Variants in DLG2 observed in about 807,000 individuals in gnomAD.
DLG2 encodes the protein disks large homolog 2.
In DLG2, 45 loss-of-function variants were observed where a neutral mutation model predicts 132.5. That is an observed-to-expected ratio of 0.34 (90% CI 0.27 to 0.44). DLG2 has a LOEUF of 0.44. Among genes scored for constraint, DLG2 ranks in the 20% least tolerant of loss-of-function variants. DLG2 has a pLI of 1.00. For missense variants in DLG2, 1,045 were observed against 1,196.9 expected, an observed-to-expected ratio of 0.87 and a Z score of 1.87; for synonymous variants, 424 against 419.6, an observed-to-expected ratio of 1.01 and a Z score of -0.13.
chr11:85,533,460 T>TAC (rs772246193), intron 3 of DLG2, among the ~76,000 whole-genome samples: 16 of 145,692 alleles, frequency 1.1e-4, no homozygotes, highest in African/African-American at 3.7e-4. Context: ...ATAAAATACA[T>TAC]ATATATATAT....
chr11:85,551,249 T>C (rs2076646476), intron 3 of DLG2, among the ~76,000 whole-genome samples: 1 of 152,162 alleles, frequency 6.6e-6, no homozygotes, highest in Non-Finnish European at 1.5e-5. Context: ...GGTGTAGAAA[T>C]ATGAGAAGCA....
At position 84,309,187 on chromosome 11, in the gene DLG2, C is replaced by T. The variant is rs80194062; in HGVS notation, c.520-57896G>A. ...GTAACAAACCTGCACATGCACCCCC[C>T]GAGCCTAAAATCAAAGTTGGAAGAA... On this transcript the variant is annotated intron_variant, in intron 7 of 27. Transcript: ENST00000376104. 9.5e-3 allele frequency among the ~76,000 whole-genome samples: 1,442 copies of T among 152,298 alleles called. 16 individuals carry two copies. The highest frequency in any genetic ancestry group is 0.031 in the African/African-American group (1,276 of 41,564).
At chr11:85,081,269 C>G (rs2067194242) in intron 6 of DLG2, among the ~76,000 whole-genome samples, 1 of 152,156 alleles carries the variant, frequency 6.6e-6, no homozygotes, top group South Asian at 2.1e-4. Context: ...CATGAGTAAA[C>G]TCTATATTAT....
chr11:84,163,493 C>T lies in DLG2; in HGVS notation c.592G>A (p.Glu198Lys). ...TIPYVNGTEI[E>K]YEFEEITLER... The stretch of plus-strand genomic sequence containing the variant: ...AGTGTAATTTCTTCAAATTCATATT[C>T]AATTTCTGTCCCATTGACCTGTAAA... The change falls in exon 9 of 28, where the codon GAA (glutamate) becomes AAA (lysine). Residue 198 changes from glutamate to lysine, a missense_variant. Coordinates refer to ENST00000376104, the MANE Select transcript of DLG2 (RefSeq NM_001142699.3). 2 of 1,606,180 alleles carry T rather than the reference C, an allele frequency of 1.2e-6. No individual in the cohort carries two copies. Among genetic ancestry groups the T allele is most frequent in the South Asian group, 1.1e-5 (1 of 89,546 alleles).
chr11:84,676,201 T>C (rs2099711061), intron 6 of DLG2, among the ~76,000 whole-genome samples: 1 of 152,072 alleles, frequency 6.6e-6, no homozygotes, highest in South Asian at 2.1e-4. Context: ...AGGAGAATAA[T>C]TTGATGATGG....
intron 4 of DLG2, among the ~76,000 whole-genome samples, chr11:85,169,810 T>C (rs1232590463): frequency 1.3e-5 from 2 of 152,206 alleles, no homozygotes; most frequent in Non-Finnish European, 2.9e-5. Context: ...AGTTCGACCC[T>C]GTGCTTGGGA....
intron 7 of DLG2, among the ~76,000 whole-genome samples, chr11:84,516,470 G>A (rs911396799): frequency 7.9e-5 from 12 of 151,460 alleles, no homozygotes; most frequent in Non-Finnish European, 1.5e-4. Context: ...TAACCTAGAA[G>A]GAATGGATAA....
chr11:85,393,344 G>A (rs1214646802), intron 3 of DLG2, among the ~76,000 whole-genome samples: 3 of 152,136 alleles, frequency 2.0e-5, no homozygotes, highest in African/African-American at 7.2e-5. Flanking sequence ...CATGGATGTG[G>A]TGAAAAGGAA....
chr11:84,666,823 G>T (rs928826901), intron 6 of DLG2, among the ~76,000 whole-genome samples: 3 of 151,854 alleles, frequency 2.0e-5, no homozygotes, highest in Admixed American at 2.0e-4. Context: ...GTTTACCTAA[G>T]GACAGATAAC....
chr11:83,657,029 A>AC (rs1434375895), intron 18 of DLG2, among the ~76,000 whole-genome samples: 1 of 152,162 alleles, frequency 6.6e-6, no homozygotes, highest in East Asian at 1.9e-4. Context: ...TGCAAATGCC[A>AC]CCTCCTCTAG....
intron 21 of DLG2, among the ~76,000 whole-genome samples, chr11:83,484,452 T>C (rs2093365686): frequency 6.6e-6 from 1 of 152,020 alleles, no homozygotes; most frequent in Admixed American, 6.6e-5. Flanking sequence ...AAAAGACTGG[T>C]TACAGATAAA....
intron 4 of DLG2, among the ~76,000 whole-genome samples, chr11:85,156,561 G>T (rs1216027677): frequency 6.6e-6 from 1 of 151,950 alleles, no homozygotes; most frequent in Non-Finnish European, 1.5e-5. Context: ...ACTCCTCTTT[G>T]GTCCCATGAA....
Position 84,866,044 on chromosome 11 carries a change from T to C in DLG2, c.357+245617A>G, listed in dbSNP as rs577425451. Among the ~76,000 whole-genome samples the C allele has an allele frequency of 1.2e-4, 18 of 152,314 alleles. 1 individual carries two copies. In the South Asian group the frequency reaches 3.7e-3, roughly 32 times the overall value. ...TCAACAGGGAAGAGGATCAAAAGGTTGAGGGAATGATTAAGCAAGATACCA... is the reference window on the plus strand; with the variant it reads ...TCAACAGGGAAGAGGATCAAAAGGTCGAGGGAATGATTAAGCAAGATACCA... On this transcript the variant is annotated intron_variant, in intron 6 of 27. Coordinates refer to ENST00000376104, the MANE Select transcript of DLG2 (RefSeq NM_001142699.3).
At chr11:85,119,408 A>C (rs660451) in intron 5 of DLG2, among the ~76,000 whole-genome samples, 23,596 of 151,984 alleles carry the variant, frequency 0.16, 2,141 homozygotes, top group East Asian at 0.37. Context: ...TGAATGCAAT[A>C]GAGTAATTTA....
At chr11:85,076,989 C>T (rs916141352) in intron 6 of DLG2, among the ~76,000 whole-genome samples, 1 of 151,886 alleles carries the variant, frequency 6.6e-6, no homozygotes, top group African/African-American at 2.4e-5. Context: ...GTGCTAATTA[C>T]CAGGCACATA....
At chr11:84,401,666 G>T (rs2098829843) in intron 7 of DLG2, among the ~76,000 whole-genome samples, 1 of 152,098 alleles carries the variant, frequency 6.6e-6, no homozygotes, top group Non-Finnish European at 1.5e-5. Context: ...ATTCTGGGTG[G>T]TGACCCTAAA....
In DLG2 at chr11:84,843,742, G is replaced by T. The variant is rs537179235; in HGVS notation, c.357+267919C>A. Reference sequence around the variant, plus strand: ...TGTTATACTGCATTGTTTAGGGAATGATGACAAGAAAAAAAGTCTATACAT... The same window carrying T: ...TGTTATACTGCATTGTTTAGGGAATTATGACAAGAAAAAAAGTCTATACAT... On this transcript the variant is annotated intron_variant, in intron 6 of 27. Transcript: ENST00000376104. Among the ~76,000 whole-genome samples the T allele has an allele frequency of 1.2e-4, 18 of 151,888 alleles. No individual in the cohort carries two copies. In the East Asian group the frequency reaches 3.5e-3, roughly 30 times the overall value.
intron 18 of DLG2, chr11:83,651,905 G>T (rs1219642023): frequency 2.1e-6 from 1 of 470,840 alleles, no homozygotes; most frequent in Admixed American, 2.4e-5. Flanking sequence ...AAGAAGCCCT[G>T]GTGAAATCTT....
chr11:85,598,820 TG>T (rs1286957099), intron 2 of DLG2, 32 bp from the exon 3 acceptor site: 2 of 592,974 alleles, frequency 3.4e-6, no homozygotes, highest in Non-Finnish European at 5.3e-6. Flanking sequence ...TTATATTTTA[TG>T]GTCTTAGCAA....
Sources: allele counts gnomAD v4.1 joint callset (sites outside exome capture counted in the v4.1 genomes callset), GRCh38; gene constraint gnomAD v4.1.1; transcripts MANE v1.5; gene names NCBI Gene and HGNC (gene_info 2026-07-23, HGNC 2026-07-21).